Variants in PTCHD4 observed in about 807,000 individuals in gnomAD.
PTCHD4 encodes patched domain-containing protein 4.
A neutral mutation model predicts 58.1 loss-of-function variants in PTCHD4; 33 were observed. The observed-to-expected ratio is 0.57, with a 90% CI of 0.43 to 0.76. The LOEUF is 0.76. Ranked by LOEUF, PTCHD4 falls within the 30% of genes least tolerant of loss-of-function variation. PTCHD4 has a pLI of 0.00. For synonymous variants in PTCHD4, 478 were observed against 409.6 expected (o/e 1.17, Z -2.02); for missense variants, 1,058 against 1,027.1 (o/e 1.03, Z -0.41).
intron 1 of PTCHD4, among the ~76,000 whole-genome samples, chr6:48,077,380 A>G (rs760026938): frequency 1.4e-4 from 22 of 152,204 alleles, no homozygotes; most frequent in Non-Finnish European, 2.8e-4. Flanking sequence ...GTCTACATTG[A>G]AAAGTTGTTG....
At chr6:48,107,628 C>G (rs895326602) in intron 1 of PTCHD4, among the ~76,000 whole-genome samples, 1 of 152,066 alleles carries the variant, frequency 6.6e-6, no homozygotes, top group African/African-American at 2.4e-5. Context: ...AGAGCTTCTG[C>G]ACAGCAAAAG....
intron 3 of PTCHD4, among the ~76,000 whole-genome samples, chr6:48,056,992 ATTC>A (rs1764429280): frequency 2.0e-5 from 3 of 152,168 alleles, no homozygotes; most frequent in Non-Finnish European, 2.9e-5. Flanking sequence ...CCAAAAAGTT[ATTC>A]TTTAAAACAA....
At chr6:47,896,629 C>A (rs569159759) in intron 4 of PTCHD4, among the ~76,000 whole-genome samples, 4 of 152,118 alleles carry the variant, frequency 2.6e-5, no homozygotes, top group African/African-American at 9.6e-5. Flanking sequence ...TTTTTTATTT[C>A]TTTGGGTGAA....
chr6:48,031,473 A>T (rs944444242), intron 3 of PTCHD4, among the ~76,000 whole-genome samples: 1 of 152,120 alleles, frequency 6.6e-6, no homozygotes, highest in African/African-American at 2.4e-5. Context: ...AAGAATAATT[A>T]CTTTCTTTAA....
intron 4 of PTCHD4, among the ~76,000 whole-genome samples, chr6:47,938,964 G>C (rs1014878148): frequency 6.6e-6 from 1 of 152,096 alleles, no homozygotes; most frequent in Non-Finnish European, 1.5e-5. Flanking sequence ...AGGGAGTTCA[G>C]GGTACAAGAA....
At chr6:48,094,155 G>A (rs888542198) in intron 1 of PTCHD4, among the ~76,000 whole-genome samples, 19 of 152,092 alleles carry the variant, frequency 1.2e-4, no homozygotes, top group African/African-American at 1.7e-4. Context: ...GAGAAAGGGC[G>A]TTTCAGATAA....
intron 1 of PTCHD4, among the ~76,000 whole-genome samples, chr6:48,099,356 A>T (rs575501553): frequency 6.6e-6 from 1 of 152,170 alleles, no homozygotes; most frequent in Admixed American, 6.5e-5. Context: ...ACTTGGTATC[A>T]TTGCTGTTTG....
In PTCHD4 at chr6:47,862,281, A is replaced by C. The variant is rs1763449007; in HGVS notation, c.*16022T>G. On this transcript the variant is annotated 3_prime_UTR_variant, in exon 5 of 5. Coordinates refer to ENST00000339488, the MANE Select transcript of PTCHD4 (RefSeq NM_001384253.1). ...TTGGGTCTGGCGTATATCATAGTTTAGTAGCTGTGCTGTTGGGACCAAAGA... is the reference window on the plus strand; with the variant it reads ...TTGGGTCTGGCGTATATCATAGTTTCGTAGCTGTGCTGTTGGGACCAAAGA... 6.6e-6 allele frequency among the ~76,000 whole-genome samples: 1 copy of C among 151,214 alleles called. No individual in the cohort carries two copies. Among genetic ancestry groups the C allele is most frequent in the Admixed American group, 6.6e-5 (1 of 15,126 alleles).
At chr6:48,059,112 T>C (rs79782736) in intron 3 of PTCHD4, among the ~76,000 whole-genome samples, 23,725 of 152,192 alleles carry the variant, frequency 0.16, 1,890 homozygotes, top group African/African-American at 0.2. Context: ...AAGCACCTTA[T>C]AATCTTCCTA....
In PTCHD4 at chr6:47,870,500, C is replaced by T. The variant is rs1394210022; in HGVS notation, c.*7803G>A. On this transcript the variant is annotated 3_prime_UTR_variant, in exon 5 of 5. Coordinates refer to ENST00000339488, the MANE Select transcript of PTCHD4 (RefSeq NM_001384253.1). ...TTGTTTCTATTATAGTTAAGAAAAA[C>T]CTGTTTTGCAAAATGTTTTTTCACT... Among the ~76,000 whole-genome samples, 2 of 151,462 alleles carry T rather than the reference C, an allele frequency of 1.3e-5. No homozygotes were observed. The highest frequency in any genetic ancestry group is 3.0e-5 in the Non-Finnish European group (2 of 67,670).
chr6:47,998,755 A>T (rs1768598838), intron 4 of PTCHD4, among the ~76,000 whole-genome samples: 3 of 152,218 alleles, frequency 2.0e-5, no homozygotes, highest in Non-Finnish European at 4.4e-5. Context: ...CTCCTTTAAA[A>T]GGTCTAGCAA....
chr6:47,969,219 G>T (rs968828300), intron 4 of PTCHD4, among the ~76,000 whole-genome samples: 1 of 152,166 alleles, frequency 6.6e-6, no homozygotes, highest in Non-Finnish European at 1.5e-5. Flanking sequence ...CAGGATTTCA[G>T]CAGTACATTA....
intron 4 of PTCHD4, among the ~76,000 whole-genome samples, chr6:47,917,013 A>G (rs191242486): frequency 6.6e-6 from 1 of 152,292 alleles, no homozygotes; most frequent in Admixed American, 6.5e-5. Context: ...CATTCTCTAA[A>G]CTACAATTAT....
intron 4 of PTCHD4, among the ~76,000 whole-genome samples, chr6:47,909,134 G>A (rs1240334503): frequency 3.9e-5 from 6 of 152,082 alleles, no homozygotes; most frequent in Admixed American, 2.6e-4. Context: ...AGTCAGGAGG[G>A]TCAAAATAAA....
Position 47,856,771 on chromosome 6 carries a change from A to T in PTCHD4, c.*21532T>A, listed in dbSNP as rs1337733880. ...GGTAAGTTATAGAGAGAATAATTTT[A>T]TGAACATTTTATACCTAATAAAAAA... On this transcript the variant is annotated 3_prime_UTR_variant, in exon 5 of 5. Transcript: ENST00000339488. Among the ~76,000 whole-genome samples the T allele has an allele frequency of 6.6e-6, 1 of 152,134 alleles. No homozygotes were observed. Among genetic ancestry groups the T allele is most frequent in the Non-Finnish European group, 1.5e-5 (1 of 68,008 alleles).
chr6:48,070,674 A>G (rs79887727), intron 1 of PTCHD4, among the ~76,000 whole-genome samples: 1 of 152,338 alleles, frequency 6.6e-6, no homozygotes, highest in East Asian at 1.9e-4. Context: ...TAGGAAGCCC[A>G]TTCTATTGTT....
At chr6:48,106,014 C>T (rs1467486352) in intron 1 of PTCHD4, among the ~76,000 whole-genome samples, 2 of 152,064 alleles carry the variant, frequency 1.3e-5, no homozygotes, top group Non-Finnish European at 2.9e-5. Flanking sequence ...CCAAATTCTA[C>T]CATAGGTAGA....
intron 4 of PTCHD4, among the ~76,000 whole-genome samples, chr6:47,912,085 A>G (rs1460710572): frequency 6.6e-6 from 1 of 152,122 alleles, no homozygotes; most frequent in Non-Finnish European, 1.5e-5. Context: ...GATAAAGAAG[A>G]GAATAGAGAA....
At chr6:48,070,808 A>G (rs1764963187) in intron 1 of PTCHD4, among the ~76,000 whole-genome samples, 1 of 152,156 alleles carries the variant, frequency 6.6e-6, no homozygotes, top group African/African-American at 2.4e-5. Flanking sequence ...CACTTTATAT[A>G]ATGTATTCCA....
Sources: gnomAD v4.1 joint callset for allele counts (sites outside exome capture counted in the v4.1 genomes callset) on GRCh38, gnomAD v4.1.1 for gene constraint, MANE v1.5 for transcripts, NCBI Gene and HGNC (gene_info 2026-07-23, HGNC 2026-07-21) for gene names.